The following SWT1 variants were observed in gnomAD, a reference collection of about 807,000 sequenced individuals.
SWT1 encodes SWT1 RNA endoribonuclease homolog.
In SWT1, 33 loss-of-function variants were observed where a neutral mutation model predicts 107.3. The ratio of observed to expected loss-of-function variants is 0.31; its 90% CI spans 0.23 to 0.41. The LOEUF is 0.41. Among genes scored for constraint, SWT1 ranks in the 10% least tolerant of loss-of-function variants. The probability of loss-of-function intolerance (pLI) is 1.00; values close to 1 mark genes in which losing one functional copy is unlikely to be tolerated. For synonymous variants in SWT1, 345 were observed against 348.3 expected (o/e 0.99, Z 0.11); for missense variants, 898 against 1,028.9 (o/e 0.87, Z 1.74).
At chr1:185,250,957 C>T (rs1400282565) in intron 16 of SWT1, among the ~76,000 whole-genome samples, 2 of 152,176 alleles carry the variant, frequency 1.3e-5, no homozygotes, top group Non-Finnish European at 2.9e-5. Flanking sequence ...GCCACTGCAC[C>T]CGGCCTGGAA....
intron 17 of SWT1, among the ~76,000 whole-genome samples, chr1:185,271,734 T>TA (rs1663882132): frequency 6.6e-6 from 1 of 152,196 alleles, no homozygotes; most frequent in Non-Finnish European, 1.5e-5. Context: ...TTGAATATAA[T>TA]ACAGTCTTAT....
At chr1:185,238,529 AT>A (rs1344183628) in intron 16 of SWT1, among the ~76,000 whole-genome samples, 1 of 151,824 alleles carries the variant, frequency 6.6e-6, no homozygotes, top group Admixed American at 6.6e-5. Flanking sequence ...AGGAAGTTGT[AT>A]TTTTAAGCTT....
At chr1:185,169,086 A>G (rs1654828289) in intron 4 of SWT1, among the ~76,000 whole-genome samples, 1 of 152,112 alleles carries the variant, frequency 6.6e-6, no homozygotes, top group Non-Finnish European at 1.5e-5. Context: ...AAACAATCTC[A>G]GTTAGTGTTT....
chr1:185,165,921 G>A (rs981943256), intron 2 of SWT1, among the ~76,000 whole-genome samples: 118 of 152,214 alleles, frequency 7.8e-4, no homozygotes, highest in African/African-American at 2.8e-3. Context: ...ATGTCAGCTC[G>A]TACCTGGGGT....
intron 16 of SWT1, among the ~76,000 whole-genome samples, chr1:185,259,179 C>A (rs1165678083): frequency 6.6e-6 from 1 of 152,164 alleles, no homozygotes; most frequent in African/African-American, 2.4e-5. Flanking sequence ...TTCTCCTCCT[C>A]AAAGTCAGCC....
chr1:185,289,731 CATT>C (rs140458587), intron 18 of SWT1, among the ~76,000 whole-genome samples: 5,874 of 152,060 alleles, frequency 0.039, 358 homozygotes, highest in African/African-American at 0.13. Context: ...ACCTAAAAGA[CATT>C]AATAAACCAG....
chr1:185,290,915 A>T lies in SWT1; in HGVS notation c.*112A>T. ...CCAAGAGAATTTTAAGAAATGTTTCATAGGTATAAAAAGGTGATCGCCTAT... is the reference window on the plus strand; with the variant it reads ...CCAAGAGAATTTTAAGAAATGTTTCTTAGGTATAAAAAGGTGATCGCCTAT... On this transcript the variant is annotated 3_prime_UTR_variant, in exon 19 of 19. Transcript: ENST00000367500. 1 of 896,698 alleles carries T rather than the reference A, an allele frequency of 1.1e-6. No individual in the cohort carries two copies. 55.5% of individuals were successfully genotyped at this position (896,698 alleles called of 1,614,324 possible). A position where few individuals can be genotyped will look rare whatever the true frequency, so the allele number is the denominator to read the frequency against.
intron 16 of SWT1, among the ~76,000 whole-genome samples, chr1:185,260,794 T>C (rs1327515631): frequency 1.3e-5 from 2 of 152,134 alleles, no homozygotes; most frequent in African/African-American, 4.8e-5. Flanking sequence ...AGATTATACA[T>C]GAAAAGATAA....
chr1:185,192,306 T>C (rs1657021584), intron 10 of SWT1, among the ~76,000 whole-genome samples: 2 of 152,026 alleles, frequency 1.3e-5, no homozygotes, highest in South Asian at 4.1e-4. Context: ...AACTCTTGAG[T>C]TTTTCTTCTC....
chr1:185,189,040 A>G (rs1656725161), intron 9 of SWT1, among the ~76,000 whole-genome samples: 2 of 152,064 alleles, frequency 1.3e-5, no homozygotes, highest in African/African-American at 4.8e-5. Context: ...GTGCAGTGGC[A>G]CGATCATAGC....
intron 13 of SWT1, among the ~76,000 whole-genome samples, chr1:185,212,137 C>T (rs1055405079): frequency 6.6e-6 from 1 of 152,226 alleles, no homozygotes; most frequent in Non-Finnish European, 1.5e-5. Flanking sequence ...AGCACACCAA[C>T]ATGGCACATA....
intron 10 of SWT1, 128 bp from the exon 11 acceptor site, chr1:185,202,526 G>A: frequency 1.6e-6 from 1 of 643,930 alleles, no homozygotes; most frequent in Non-Finnish European, 2.5e-6. Context: ...TAAAAAAGTT[G>A]TTATTCTTTC....
chr1:185,275,256 C>T (rs557782605), intron 17 of SWT1, among the ~76,000 whole-genome samples: 9 of 151,726 alleles, frequency 5.9e-5, no homozygotes, highest in African/African-American at 2.2e-4. Flanking sequence ...ATTGATGGTC[C>T]CAGAATGTGT....
At chr1:185,248,538 A>G (rs1661770096) in intron 16 of SWT1, among the ~76,000 whole-genome samples, 1 of 152,144 alleles carries the variant, frequency 6.6e-6, no homozygotes, top group Non-Finnish European at 1.5e-5. Flanking sequence ...ATGATTGTTT[A>G]CACACCCTAT....
intron 18 of SWT1, among the ~76,000 whole-genome samples, chr1:185,286,958 T>C (rs1664983057): frequency 6.6e-6 from 1 of 152,204 alleles, no homozygotes; most frequent in Non-Finnish European, 1.5e-5. Context: ...TGTTAGCTAT[T>C]ATATACTGCT....
intron 16 of SWT1, among the ~76,000 whole-genome samples, chr1:185,267,038 C>G (rs1663454700): frequency 6.6e-6 from 1 of 152,006 alleles, no homozygotes. Context: ...TAGTGGTTGT[C>G]CTTTTATTGG....
chr1:185,157,763 T>C (rs1403326135), intron 1 of SWT1: 1 of 152,366 alleles, frequency 6.6e-6, no homozygotes, highest in Non-Finnish European at 1.5e-5. Flanking sequence ...ATTAGTTGTT[T>C]TGCTCTATTT....
intron 6 of SWT1, 135 bp downstream of exon 6, chr1:185,180,585 A>G (rs374023592): frequency 2.0e-5 from 14 of 688,090 alleles, no homozygotes; most frequent in African/African-American, 1.4e-4. Flanking sequence ...TCAATATGTA[A>G]GGTTTTATGA....
chr1:185,259,854 GATT>G (rs1558084520), intron 16 of SWT1, among the ~76,000 whole-genome samples: 2 of 152,138 alleles, frequency 1.3e-5, no homozygotes, highest in Non-Finnish European at 2.9e-5. Flanking sequence ...CAGATTTCAA[GATT>G]ATTTATAGTA....
Sources: allele counts gnomAD v4.1 joint callset (sites outside exome capture counted in the v4.1 genomes callset), GRCh38; gene constraint gnomAD v4.1.1; transcripts MANE v1.5; gene names NCBI Gene and HGNC (gene_info 2026-07-23, HGNC 2026-07-21).